SAR1A: variants seen among roughly 807,000 people sequenced by gnomAD.
The protein encoded by SAR1A is secretion associated Ras related GTPase 1A, also known as small COPII coat GTPase SAR1A.
A neutral mutation model predicts 22.6 loss-of-function variants in SAR1A; 6 were observed. That is an observed-to-expected ratio of 0.27 (90% CI 0.15 to 0.52). SAR1A has a LOEUF of 0.52. Among genes scored for constraint, SAR1A ranks in the 20% least tolerant of loss-of-function variants. The pLI is 0.96. For missense variants in SAR1A, 145 were observed against 245.1 expected (o/e 0.59, Z 2.73); for synonymous variants, 70 against 82.2 (o/e 0.85, Z 0.80).
Position 70,159,554 on chromosome 10 carries a change from T to C in SAR1A, c.244+1450A>G, listed in dbSNP as rs115997251. On this transcript the variant is annotated intron_variant, in intron 4 of 6. Coordinates refer to ENST00000373241, the MANE Select transcript of SAR1A (RefSeq NM_020150.5). ...TACAAAAAACAGGTGGGAGGATTGC[T>C]TGAGCCCAGGAAGTAGAGGTTGCAG... 3.8e-3 allele frequency among the ~76,000 whole-genome samples: 585 copies of C among 152,218 alleles called. 6 individuals carry two copies. The highest frequency in any genetic ancestry group is 0.014 in the African/African-American group (561 of 41,524).
In SAR1A at chr10:70,152,262, C is replaced by CCTG; in HGVS notation, c.*211_*213dup. 1.0e-6 allele frequency: 1 copy of CCTG among 965,386 alleles called. No homozygotes were observed. The highest frequency in any genetic ancestry group is 1.5e-6 in the Non-Finnish European group (1 of 651,850). 59.8% of individuals were successfully genotyped at this position (965,386 alleles called of 1,614,324 possible). A position where few individuals can be genotyped will look rare whatever the true frequency, so the allele number is the denominator to read the frequency against. On this transcript the variant is annotated 3_prime_UTR_variant, in exon 7 of 7. Transcript: ENST00000373241. ...CAGCTTCCAAGTCCCAGGATACTGA[C>CCTG]CTGCACCAGCACGTGGGGCAGCATT...
intron 1 of SAR1A, chr10:70,166,798 G>A (rs1160980051): frequency 2.7e-5 from 4 of 150,564 alleles, no homozygotes; most frequent in African/African-American, 4.9e-5. Flanking sequence ...AGACCAGCCT[G>A]GGTAACATAG....
intron 1 of SAR1A, among the ~76,000 whole-genome samples, chr10:70,165,280 A>G (rs892463707): frequency 1.3e-5 from 2 of 150,796 alleles, no homozygotes; most frequent in Admixed American, 6.6e-5. Context: ...AAAAAAAAAA[A>G]AAAAAGAAAT....
At position 70,153,863 on chromosome 10, in the gene SAR1A, C is replaced by T. The variant is rs757693804; in HGVS notation, c.455G>A (p.Gly152Glu). 9 of 1,600,528 alleles carry T rather than the reference C, an allele frequency of 5.6e-6. No individual in the cohort carries two copies. Among genetic ancestry groups the T allele is most frequent in the Non-Finnish European group, 6.8e-6 (8 of 1,176,260 alleles). Residue 152 changes from glycine to glutamate, a missense_variant, in exon 6 of 7, where the codon GGG (glycine) becomes GAG (glutamate). Coordinates refer to ENST00000373241, the MANE Select transcript of SAR1A (RefSeq NM_020150.5). Reference sequence around the variant, plus strand: ...CTTTCCTGTGGTCTGTCCATAAAGCCCAAATATCTCACGGAGTTTTTCTTC... The same window carrying T: ...CTTTCCTGTGGTCTGTCCATAAAGCTCAAATATCTCACGGAGTTTTTCTTC... ...ISEEKLREIF[G>E]LYGQTTGKGN...
Position 70,152,412 on chromosome 10 carries a change from T to C in SAR1A, c.*64A>G. The stretch of plus-strand genomic sequence containing the variant: ...TTCCTTGTTCTATTAGAAAAGTTCA[T>C]GAGGAAGCTGTGAATAGGATCAGTC... On this transcript the variant is annotated 3_prime_UTR_variant, in exon 7 of 7. Coordinates refer to ENST00000373241, the MANE Select transcript of SAR1A (RefSeq NM_020150.5). 1 of 1,273,134 alleles carries C rather than the reference T, an allele frequency of 7.9e-7. No homozygotes were observed. The allele number at this position is 1,273,134 out of a possible 1,614,324, so 78.9% of individuals were successfully genotyped here. A position where few individuals can be genotyped will look rare whatever the true frequency, so the allele number is the denominator to read the frequency against.
At chr10:70,163,485 G>A (rs1013618222) in intron 1 of SAR1A, among the ~76,000 whole-genome samples, 4 of 152,146 alleles carry the variant, frequency 2.6e-5, no homozygotes, top group Admixed American at 6.5e-5. Context: ...ACTTTACGTT[G>A]AGGCCAATAT....
At chr10:70,161,181 A>C in intron 3 of SAR1A, 112 bp from the exon 4 acceptor site, 1 of 819,194 alleles carries the variant, frequency 1.2e-6, no homozygotes. Context: ...AGATACAAGA[A>C]GTTGAGTGTG....
intron 4 of SAR1A, among the ~76,000 whole-genome samples, 182 bp downstream of exon 4, chr10:70,160,822 T>C (rs1184926601): frequency 6.6e-6 from 1 of 152,168 alleles, no homozygotes; most frequent in Non-Finnish European, 1.5e-5. Flanking sequence ...AATGCAACTT[T>C]TGACAAGTTT....
chr10:70,168,687 A>G (rs781368914), intron 1 of SAR1A, among the ~76,000 whole-genome samples: 3 of 152,216 alleles, frequency 2.0e-5, no homozygotes, highest in Non-Finnish European at 2.9e-5. Context: ...GTACAAATGT[A>G]TATAGAAGTG....
chr10:70,160,956 C>CA (rs748243861), intron 4 of SAR1A, 48 bp downstream of exon 4: 117 of 1,387,078 alleles, frequency 8.4e-5, no homozygotes, highest in South Asian at 2.8e-4. Context: ...CTGGGAGGCA[C>CA]AAAAAAAATA....
intron 3 of SAR1A, 132 bp downstream of exon 3, chr10:70,161,487 A>AG (rs1290647186): frequency 3.0e-6 from 3 of 986,838 alleles, no homozygotes; most frequent in African/African-American, 1.6e-5. Context: ...TGTGTCTTAC[A>AG]GGGAACTTTC....
At chr10:70,161,500 G>C in intron 3 of SAR1A, 119 bp downstream of exon 3, 1 of 1,196,460 alleles carries the variant, frequency 8.4e-7, no homozygotes, top group East Asian at 2.4e-5. Flanking sequence ...GAACTTTCTC[G>C]TATGAGTTGG....
At chr10:70,163,547 A>T in intron 1 of SAR1A, 1 of 520,266 alleles carries the variant, frequency 1.9e-6, no homozygotes, top group Non-Finnish European at 3.5e-6. Context: ...CCATTCTGAA[A>T]ATCCTAGGAC....
chr10:70,149,034 T>C lies in SAR1A; in HGVS notation c.*3442A>G, dbSNP rs1172099106. 1 of 152,130 alleles carries C rather than the reference T, an allele frequency of 6.6e-6. No individual in the cohort carries two copies. Among genetic ancestry groups the C allele is most frequent in the African/African-American group, 2.4e-5 (1 of 41,380 alleles). 9.4% of individuals were successfully genotyped at this position (152,130 alleles called of 1,614,324 possible). ...TCAAACAAAACAACTCATTTGCCCA[T>C]ACAACCCATGGCATCCTTTCACAGT... On this transcript the variant is annotated 3_prime_UTR_variant, in exon 7 of 7. Transcript: ENST00000373241.
rs759249141 is a variant in SAR1A at position 70,153,818 on chromosome 10, C to A, written c.480+20G>T. 13 of 1,565,828 alleles carry A rather than the reference C, an allele frequency of 8.3e-6. No individual in the cohort carries two copies. The highest frequency in any genetic ancestry group is 1.0e-5 in the Non-Finnish European group (12 of 1,163,984). On this transcript the variant is annotated intron_variant, in intron 6 of 6. Transcript: ENST00000373241. ...AACTGTTAATGTCCTTTATATGTAA[C>A]CCAAATATTTTTCTCTTACCTTTCC...
intron 1 of SAR1A, chr10:70,162,953 T>C (rs539457688): frequency 1.0e-4 from 16 of 152,408 alleles, no homozygotes; most frequent in South Asian, 4.1e-4. Flanking sequence ...ACCACAACCA[T>C]AGAAGACAGC....
chr10:70,152,864 C>A (rs576709586), intron 6 of SAR1A, among the ~76,000 whole-genome samples: 14 of 152,192 alleles, frequency 9.2e-5, no homozygotes, highest in African/African-American at 3.1e-4. Flanking sequence ...TGGCAGCAAA[C>A]CAAGAAAAAA....
At position 70,149,674 on chromosome 10, in the gene SAR1A, C is replaced by T. The variant is rs1839304837; in HGVS notation, c.*2802G>A. On this transcript the variant is annotated 3_prime_UTR_variant, in exon 7 of 7. Transcript: ENST00000373241. Reference sequence around the variant, plus strand: ...AGTTCAAGCGATTCTCCGCCTCAGCCTCCAGAGTAGCTGGGAGCTACTCCA... The same window carrying T: ...AGTTCAAGCGATTCTCCGCCTCAGCTTCCAGAGTAGCTGGGAGCTACTCCA... 1 of 150,430 alleles carries T rather than the reference C, an allele frequency of 6.6e-6. No individual in the cohort carries two copies. Among genetic ancestry groups the T allele is most frequent in the Admixed American group, 6.7e-5 (1 of 14,978 alleles). The allele number at this position is 150,430 out of a possible 1,614,324, so 9.3% of individuals were successfully genotyped here.
At chr10:70,164,327 A>T (rs1396426979) in intron 1 of SAR1A, among the ~76,000 whole-genome samples, 1 of 152,206 alleles carries the variant, frequency 6.6e-6, no homozygotes, top group African/African-American at 2.4e-5. Context: ...ATGAAGTAAC[A>T]TGTTGCCTGT....
Sources: allele counts gnomAD v4.1 joint callset (sites outside exome capture counted in the v4.1 genomes callset), GRCh38; gene constraint gnomAD v4.1.1; transcripts MANE v1.5; gene names NCBI Gene and HGNC (gene_info 2026-07-23, HGNC 2026-07-21).